Variants in LOC128706665 observed in about 807,000 individuals in gnomAD.
chr20:10,433,044 C>A, the LOC128706665 span, among the ~76,000 whole-genome samples: 175 of 152,346 alleles, frequency 1.1e-3, no homozygotes, highest in African/African-American at 3.9e-3. Context: ...GTCTCTGTCG[C>A]CCAACCTGGA....
chr20:10,422,460 G>A, the LOC128706665 span, among the ~76,000 whole-genome samples: 2 of 152,050 alleles, frequency 1.3e-5, no homozygotes, highest in African/African-American at 2.4e-5. Flanking sequence ...GGGAATTTAA[G>A]GGTACAATAA....
At chr20:10,433,416 G>A in the LOC128706665 span, among the ~76,000 whole-genome samples, 1 of 152,214 alleles carries the variant, frequency 6.6e-6, no homozygotes, top group Non-Finnish European at 1.5e-5. Context: ...GACCGTGCAA[G>A]TCCCTCTTGG....
At chr20:10,420,821 A>G in the LOC128706665 span, 1 of 152,214 alleles carries the variant, frequency 6.6e-6, no homozygotes, top group Non-Finnish European at 1.5e-5. Context: ...CTTTAATTAC[A>G]TTTCTAAATC....
the LOC128706665 span, among the ~76,000 whole-genome samples, chr20:10,419,279 T>C: frequency 6.6e-6 from 1 of 152,204 alleles, no homozygotes. Flanking sequence ...CAGTTCTTTA[T>C]CTGAAACTCC....
the LOC128706665 span, among the ~76,000 whole-genome samples, chr20:10,429,704 A>G: frequency 2.6e-5 from 4 of 152,140 alleles, no homozygotes; most frequent in Non-Finnish European, 4.4e-5. Context: ...GCCATTTGAC[A>G]TAAGTGTTTC....
the LOC128706665 span, among the ~76,000 whole-genome samples, chr20:10,427,081 A>AC: frequency 1.2e-5 from 1 of 85,794 alleles, no homozygotes; most frequent in East Asian, 3.5e-4. Flanking sequence ...CACACACACA[A>AC]AGTAAGGTTA....
chr20:10,420,300 A>G, the LOC128706665 span, among the ~76,000 whole-genome samples: 1 of 151,984 alleles, frequency 6.6e-6, no homozygotes, highest in East Asian at 1.9e-4. Flanking sequence ...TGCTAGCAAA[A>G]CTGCTCTTTC....
At chr20:10,416,294 G>C in the LOC128706665 span, among the ~76,000 whole-genome samples, 1 of 152,084 alleles carries the variant, frequency 6.6e-6, no homozygotes, top group Non-Finnish European at 1.5e-5. Context: ...AAAGCAAATG[G>C]AGTTCTTTGG....
chr20:10,422,199 A>G, the LOC128706665 span, among the ~76,000 whole-genome samples: 1 of 152,146 alleles, frequency 6.6e-6, no homozygotes, highest in Non-Finnish European at 1.5e-5. Context: ...AAAGGTCTCA[A>G]TTCATATTTT....
chr20:10,418,301 AT>A, the LOC128706665 span, among the ~76,000 whole-genome samples: 4 of 152,222 alleles, frequency 2.6e-5, no homozygotes, highest in Non-Finnish European at 4.4e-5. Flanking sequence ...GCCCTTAACT[AT>A]TAAAGCTGGT....
At chr20:10,421,618 T>C in the LOC128706665 span, among the ~76,000 whole-genome samples, 2 of 152,102 alleles carry the variant, frequency 1.3e-5, no homozygotes, top group Non-Finnish European at 2.9e-5. Flanking sequence ...TCAGAATGAA[T>C]GTAATGCCAT....
At chr20:10,425,063 A>AAAAG in the LOC128706665 span, among the ~76,000 whole-genome samples, 2 of 151,696 alleles carry the variant, frequency 1.3e-5, no homozygotes, top group Non-Finnish European at 2.9e-5. Flanking sequence ...CAAAAAAAAA[A>AAAAG]AAAGAAAGAA....
At chr20:10,429,584 T>C in the LOC128706665 span, among the ~76,000 whole-genome samples, 1 of 152,068 alleles carries the variant, frequency 6.6e-6, no homozygotes, top group Non-Finnish European at 1.5e-5. Context: ...CTGGATTTCC[T>C]GTTTCGTTAA....
At chr20:10,421,866 T>C in the LOC128706665 span, among the ~76,000 whole-genome samples, 5 of 151,984 alleles carry the variant, frequency 3.3e-5, no homozygotes, top group African/African-American at 9.7e-5. Flanking sequence ...TTTGGGAACT[T>C]GAATCTGGAC....
At chr20:10,432,199 C>G in the LOC128706665 span, among the ~76,000 whole-genome samples, 2 of 152,210 alleles carry the variant, frequency 1.3e-5, no homozygotes, top group African/African-American at 4.8e-5. Flanking sequence ...GAAGGGCCAA[C>G]CCAGCACTAG....
At chr20:10,423,304 A>T in the LOC128706665 span, among the ~76,000 whole-genome samples, 1 of 152,112 alleles carries the variant, frequency 6.6e-6, no homozygotes, top group Non-Finnish European at 1.5e-5. Context: ...CTGTAGTTCT[A>T]GCTGCGTGGG....
At chr20:10,433,952 G>A in the LOC128706665 span, among the ~76,000 whole-genome samples, 1 of 152,206 alleles carries the variant, frequency 6.6e-6, no homozygotes, top group Non-Finnish European at 1.5e-5. Context: ...GCCTCCTACA[G>A]AGAGCCAGCC....
the LOC128706665 span, among the ~76,000 whole-genome samples, chr20:10,428,085 T>C: frequency 6.6e-6 from 1 of 152,182 alleles, no homozygotes; most frequent in Non-Finnish European, 1.5e-5. Context: ...TATATGGGGG[T>C]TTCACTAATT....
the LOC128706665 span, among the ~76,000 whole-genome samples, chr20:10,433,900 GCAA>G: frequency 6.6e-6 from 1 of 152,206 alleles, no homozygotes; most frequent in African/African-American, 2.4e-5. Context: ...CGTGCCGACC[GCAA>G]CATTTACCAT....
Sources: gnomAD v4.1 joint callset for allele counts (sites outside exome capture counted in the v4.1 genomes callset) on GRCh38, gnomAD v4.1.1 for gene constraint, MANE v1.5 for transcripts.